KAZN: variants seen among roughly 807,000 people sequenced by gnomAD.
The protein encoded by KAZN is kazrin, periplakin interacting protein.
In KAZN, 40 loss-of-function variants were observed where a neutral mutation model predicts 87.4. That is an observed-to-expected ratio of 0.46 (90% CI 0.36 to 0.60). The LOEUF is 0.60. KAZN is among the 20% of genes least tolerant of loss of function. The pLI, the probability that KAZN is intolerant of heterozygous loss-of-function variation, is 0.00. For missense variants in KAZN, 898 were observed against 1,073.9 expected (o/e 0.84, Z 2.29); for synonymous variants, 466 against 458.3 (o/e 1.02, Z -0.22).
chr1:14,775,694 G>A (rs1645155662), intron 1 of KAZN, among the ~76,000 whole-genome samples: 1 of 152,234 alleles, frequency 6.6e-6, no homozygotes, highest in Non-Finnish European at 1.5e-5. Context: ...CTCTTGAGAA[G>A]CTACCGATTT....
At chr1:14,033,700 G>C (rs149085688) in intron 1 of KAZN, among the ~76,000 whole-genome samples, 31 of 152,262 alleles carry the variant, frequency 2.0e-4, no homozygotes, top group Non-Finnish European at 4.0e-4. Context: ...GCCACACAAG[G>C]CTCCCCAATC....
chr1:15,078,482 C>A (rs924068364), intron 8 of KAZN, among the ~76,000 whole-genome samples: 1 of 152,152 alleles, frequency 6.6e-6, no homozygotes, highest in African/African-American at 2.4e-5. Flanking sequence ...GCTTTCCAGG[C>A]AGATATGATT....
At chr1:14,411,153 CAGA>C (rs892952724) in intron 2 of KAZN, among the ~76,000 whole-genome samples, 9 of 152,188 alleles carry the variant, frequency 5.9e-5, no homozygotes, top group African/African-American at 2.2e-4. Context: ...GGAAAAGGTA[CAGA>C]GGGCAATGAC....
chr1:14,135,568 A>T (rs1030150885), intron 1 of KAZN, among the ~76,000 whole-genome samples: 1 of 152,194 alleles, frequency 6.6e-6, no homozygotes, highest in Non-Finnish European at 1.5e-5. Context: ...AGTATCTCGA[A>T]CGGCAAAGGT....
intron 1 of KAZN, among the ~76,000 whole-genome samples, chr1:14,073,862 A>C (rs1428214533): frequency 2.6e-5 from 4 of 152,146 alleles, no homozygotes; most frequent in Non-Finnish European, 5.9e-5. Context: ...ATAAACATAC[A>C]TGTGTATGTG....
intron 1 of KAZN, among the ~76,000 whole-genome samples, chr1:13,977,487 T>A (rs1472812392): frequency 2.0e-5 from 3 of 152,142 alleles, no homozygotes; most frequent in Non-Finnish European, 4.4e-5. Context: ...AGATAAGATA[T>A]GTCAAAGAGT....
At chr1:14,809,994 A>G (rs3916543) in intron 1 of KAZN, among the ~76,000 whole-genome samples, 39,159 of 151,990 alleles carry the variant, frequency 0.26, 5,997 homozygotes, top group African/African-American at 0.43. Context: ...TTGTTTTCGG[A>G]GGCTGTCTTG....
chr1:14,015,946 G>A (rs1640552318), intron 1 of KAZN, among the ~76,000 whole-genome samples: 1 of 151,884 alleles, frequency 6.6e-6, no homozygotes, highest in South Asian at 2.1e-4. Context: ...TGGGATTGAG[G>A]GCCTCCCTAG....
intron 2 of KAZN, among the ~76,000 whole-genome samples, chr1:14,978,823 A>G (rs947722033): frequency 6.6e-6 from 1 of 152,142 alleles, no homozygotes; most frequent in African/African-American, 2.4e-5. Context: ...CTCTGCTGCT[A>G]TTCAGAGTCT....
chr1:14,396,907 T>C (rs562307287), intron 2 of KAZN, among the ~76,000 whole-genome samples: 110 of 152,268 alleles, frequency 7.2e-4, no homozygotes, highest in Non-Finnish European at 1.1e-3. Flanking sequence ...TGAGTTTTTT[T>C]TTTTTACTTA....
At chr1:14,345,694 C>T (rs999173504) in intron 2 of KAZN, among the ~76,000 whole-genome samples, 1 of 152,100 alleles carries the variant, frequency 6.6e-6, no homozygotes, top group African/African-American at 2.4e-5. Context: ...TTATGATGTC[C>T]TTCAGTAAAC....
intron 2 of KAZN, among the ~76,000 whole-genome samples, chr1:14,388,586 A>G (rs76357325): frequency 0.044 from 6,672 of 152,296 alleles, 344 homozygotes; most frequent in East Asian, 0.28. Flanking sequence ...ACATGCCAAG[A>G]GCATACACTG....
At chr1:14,310,389 CG>C (rs1423892038) in intron 2 of KAZN, among the ~76,000 whole-genome samples, 1 of 152,166 alleles carries the variant, frequency 6.6e-6, no homozygotes, top group African/African-American at 2.4e-5. Context: ...CAGCAGGCCT[CG>C]GATGGTTAAA....
intron 2 of KAZN, among the ~76,000 whole-genome samples, chr1:14,450,463 A>T (rs1435936259): frequency 2.6e-5 from 4 of 152,126 alleles, no homozygotes; most frequent in Non-Finnish European, 5.9e-5. Flanking sequence ...GGTGGCAGGC[A>T]CCTGTAATCC....
chr1:14,295,113 G>C (rs1215017075), intron 2 of KAZN, among the ~76,000 whole-genome samples: 1 of 152,012 alleles, frequency 6.6e-6, no homozygotes, highest in African/African-American at 2.4e-5. Flanking sequence ...TAACTCACAG[G>C]GTGGTTGAGA....
chr1:14,375,222 A>G (rs1660800792), intron 2 of KAZN, among the ~76,000 whole-genome samples: 1 of 152,186 alleles, frequency 6.6e-6, no homozygotes, highest in African/African-American at 2.4e-5. Flanking sequence ...ATAGCATCAT[A>G]CACACTTCAG....
intron 3 of KAZN, among the ~76,000 whole-genome samples, chr1:15,042,126 G>A (rs569997956): frequency 5.1e-4 from 77 of 152,302 alleles, no homozygotes; most frequent in Non-Finnish European, 1.0e-3. Context: ...TGGTCTGTTC[G>A]TGAGTAGTAG....
At chr1:15,050,177 ATAG>A (rs1336885232) in intron 4 of KAZN, among the ~76,000 whole-genome samples, 1 of 133,392 alleles carries the variant, frequency 7.5e-6, no homozygotes, top group African/African-American at 2.7e-5. Context: ...ATAGAATAGA[ATAG>A]AATAGAATAG....
intron 2 of KAZN, among the ~76,000 whole-genome samples, chr1:14,471,443 C>CG (rs1180029211): frequency 6.6e-6 from 1 of 152,106 alleles, no homozygotes; most frequent in African/African-American, 2.4e-5. Context: ...GAAGCTACAG[C>CG]GCACACACAG....
Sources: allele counts gnomAD v4.1 joint callset (sites outside exome capture counted in the v4.1 genomes callset), GRCh38; gene constraint gnomAD v4.1.1; transcripts MANE v1.5; gene names NCBI Gene and HGNC (gene_info 2026-07-23, HGNC 2026-07-21).